The following ARHGAP26 variants were observed in gnomAD, a reference collection of about 807,000 sequenced individuals.
ARHGAP26 encodes the protein rho GTPase-activating protein 26.
ARHGAP26 carries 38 observed loss-of-function variants against 104.8 expected under a neutral mutation model. The observed-to-expected ratio is 0.36, with a 90% CI of 0.28 to 0.48. The LOEUF is 0.48. Ranked by LOEUF, ARHGAP26 falls within the 20% of genes least tolerant of loss-of-function variation. The pLI is 0.99. For synonymous variants in ARHGAP26, 341 were observed against 340.0 expected (o/e 1.00, Z -0.03); for missense variants, 704 against 947.9 (o/e 0.74, Z 3.38).
intron 17 of ARHGAP26, among the ~76,000 whole-genome samples, chr5:143,089,553 T>G (rs1243130611): frequency 6.6e-6 from 1 of 152,220 alleles, no homozygotes; most frequent in East Asian, 1.9e-4. Context: ...CGATACAAAC[T>G]CTTCCTCTTT....
chr5:142,848,577 G>T (rs781459733), intron 1 of ARHGAP26, among the ~76,000 whole-genome samples: 2 of 152,212 alleles, frequency 1.3e-5, no homozygotes, highest in Non-Finnish European at 1.5e-5. Context: ...GAGTAAGGCT[G>T]TGTGAACATC....
intron 20 of ARHGAP26, among the ~76,000 whole-genome samples, chr5:143,161,204 G>A (rs258793): frequency 0.32 from 47,969 of 151,568 alleles, 8,540 homozygotes; most frequent in East Asian, 0.49. Context: ...CAGAGACGGG[G>A]TTTTACCGTG....
intron 11 of ARHGAP26, among the ~76,000 whole-genome samples, chr5:142,942,158 G>C (rs1010279753): frequency 7.2e-5 from 11 of 152,234 alleles, no homozygotes; most frequent in African/African-American, 2.4e-4. Flanking sequence ...AGTTGCCTTC[G>C]TTATCTGAGA....
chr5:142,991,479 C>G (rs1775605552), intron 11 of ARHGAP26, among the ~76,000 whole-genome samples: 1 of 152,160 alleles, frequency 6.6e-6, no homozygotes, highest in Non-Finnish European at 1.5e-5. Context: ...CCAACAAGCC[C>G]CACTGAGATG....
At chr5:142,913,015 C>T (rs574838568) in intron 9 of ARHGAP26, among the ~76,000 whole-genome samples, 184 bp from the exon 10 acceptor site, 18 of 152,290 alleles carry the variant, frequency 1.2e-4, no homozygotes, top group African/African-American at 3.4e-4. Flanking sequence ...ACATGGTATA[C>T]GAATGTAAGC....
At chr5:143,177,959 G>A (rs1249782638) in intron 20 of ARHGAP26, among the ~76,000 whole-genome samples, 1 of 141,936 alleles carries the variant, frequency 7.0e-6, no homozygotes, top group Non-Finnish European at 1.5e-5. Flanking sequence ...GAGGGCATAA[G>A]TGGCCTGTTC....
intron 1 of ARHGAP26, among the ~76,000 whole-genome samples, chr5:142,843,277 G>A (rs1280958521): frequency 5.3e-5 from 8 of 152,200 alleles, no homozygotes; most frequent in Non-Finnish European, 1.2e-4. Context: ...TGCAGCTGAG[G>A]CAAAGAGTGT....
In ARHGAP26 at chr5:142,810,834, G is replaced by A. The variant is rs117768878; in HGVS notation, c.154+39919G>A. Reference sequence around the variant, plus strand: ...CGCCCAAAATAGTAAGTAACCATAAGCGTTGATATGTAAACTCTAGTGTTT... The same window carrying A: ...CGCCCAAAATAGTAAGTAACCATAAACGTTGATATGTAAACTCTAGTGTTT... On this transcript the variant is annotated intron_variant, in intron 1 of 22. Transcript: ENST00000645722. Among the ~76,000 whole-genome samples the A allele has an allele frequency of 5.9e-5, 9 of 152,330 alleles. No homozygotes were observed. In the East Asian group the frequency reaches 1.7e-3, roughly 29 times the overall value.
chr5:143,183,073 CAA>C (rs70991799), intron 20 of ARHGAP26, among the ~76,000 whole-genome samples: 35 of 89,902 alleles, frequency 3.9e-4, no homozygotes, highest in African/African-American at 5.7e-4. Flanking sequence ...TGAAAAGTGG[CAA>C]AAAAAAAAAA....
intron 17 of ARHGAP26, chr5:143,058,073 T>C (rs1195733745): frequency 1.9e-6 from 1 of 538,216 alleles, no homozygotes; most frequent in Admixed American, 2.4e-5. Flanking sequence ...TTTGTGGGAT[T>C]ATATGTTCTT....
intron 7 of ARHGAP26, among the ~76,000 whole-genome samples, chr5:142,902,366 C>G (rs557804491): frequency 6.6e-6 from 1 of 152,338 alleles, no homozygotes; most frequent in South Asian, 2.1e-4. Context: ...AGCCTCCATT[C>G]TATGCATCTA....
intron 17 of ARHGAP26, among the ~76,000 whole-genome samples, chr5:143,085,168 C>A (rs1790395504): frequency 6.6e-6 from 1 of 151,860 alleles, no homozygotes; most frequent in Non-Finnish European, 1.5e-5. Flanking sequence ...TGTTTTTCTT[C>A]CTCTCTGTTA....
rs201725628 is a variant in ARHGAP26, at chr5:143,227,524, GACA to G, written c.*5082_*5084del. ...CTCTCTGTAATTGTAGCATCAAAATGACAACAGCAGCAGAGCAGCGAATCTTGC... is the reference window on the plus strand; with the variant it reads ...CTCTCTGTAATTGTAGCATCAAAATGACAGCAGCAGAGCAGCGAATCTTGC... On this transcript the variant is annotated 3_prime_UTR_variant, in exon 23 of 23. Coordinates refer to ENST00000645722, the MANE Select transcript of ARHGAP26 (RefSeq NM_001135608.3). 6.6e-3 allele frequency: 1,522 copies of G among 230,760 alleles called. 18 individuals are homozygous for G. Among genetic ancestry groups the G allele is most frequent in the African/African-American group, 0.031 (1,423 of 45,306 alleles). The allele number at this position is 230,760 out of a possible 1,614,324, so 14.3% of individuals were successfully genotyped here.
At chr5:143,022,680 T>C (rs1356775154) in intron 12 of ARHGAP26, among the ~76,000 whole-genome samples, 2 of 152,134 alleles carry the variant, frequency 1.3e-5, no homozygotes, top group Non-Finnish European at 2.9e-5. Context: ...AGCATGAAAG[T>C]GTCACACGAT....
At position 143,093,883 on chromosome 5, in the gene ARHGAP26, C is replaced by T. The variant is rs1312155102; in HGVS notation, c.1539-27105C>T. Among the ~76,000 whole-genome samples, 3 of 152,340 alleles carry T rather than the reference C, an allele frequency of 2.0e-5. No individual in the cohort carries two copies. In the South Asian group the frequency reaches 6.2e-4, roughly 32 times the overall value. On this transcript the variant is annotated intron_variant, in intron 17 of 22. Coordinates refer to ENST00000645722, the MANE Select transcript of ARHGAP26 (RefSeq NM_001135608.3). Reference sequence around the variant, plus strand: ...TCAACCCCACACCATGGGGATTTCTCACCTCTTTTAGAGGTTCAACTCCCA... The same window carrying T: ...TCAACCCCACACCATGGGGATTTCTTACCTCTTTTAGAGGTTCAACTCCCA...
chr5:143,055,481 C>A (rs1785666836), intron 15 of ARHGAP26, among the ~76,000 whole-genome samples: 2 of 152,098 alleles, frequency 1.3e-5, no homozygotes, highest in South Asian at 4.1e-4. Context: ...CAGGAAAAAA[C>A]CCTCAAGTTT....
intron 1 of ARHGAP26, among the ~76,000 whole-genome samples, chr5:142,792,864 C>T (rs755484774): frequency 2.0e-5 from 3 of 152,186 alleles, no homozygotes; most frequent in Non-Finnish European, 4.4e-5. Context: ...AAAGTTCTTT[C>T]TGTGTTCAAA....
In ARHGAP26 at chr5:143,028,621, A is replaced by G. The variant is rs187029964; in HGVS notation, c.1145-8575A>G. ...ACCAAGTAAATCCCAGTTGCTATACATTTCATTTGACCCTCGTAGCATCCT... is the reference window on the plus strand; with the variant it reads ...ACCAAGTAAATCCCAGTTGCTATACGTTTCATTTGACCCTCGTAGCATCCT... On this transcript the variant is annotated intron_variant, in intron 12 of 22. Coordinates refer to ENST00000645722, the MANE Select transcript of ARHGAP26 (RefSeq NM_001135608.3). Among the ~76,000 whole-genome samples the G allele has an allele frequency of 1.1e-4, 17 of 152,288 alleles. No homozygotes were observed. The East Asian group carries it at 3.1e-3, about 28-fold the overall frequency.
chr5:143,223,223 CAT>C lies in ARHGAP26; in HGVS notation c.*778_*779del, dbSNP rs1322459284. ...AATAACACATCCTCTTTGCATGACA[CAT>C]TTTTTTTCTCCCCTTTTTGGTACAC... On this transcript the variant is annotated 3_prime_UTR_variant, in exon 23 of 23. Transcript: ENST00000645722. 2.1e-5 allele frequency: 5 copies of C among 232,906 alleles called. No individual in the cohort carries two copies. Among genetic ancestry groups the C allele is most frequent in the Non-Finnish European group, 3.4e-5 (4 of 117,626 alleles). 14.4% of individuals were successfully genotyped at this position (232,906 alleles called of 1,614,324 possible). A position where few individuals can be genotyped will look rare whatever the true frequency, so the allele number is the denominator to read the frequency against.
Sources: gnomAD v4.1 joint callset for allele counts (sites outside exome capture counted in the v4.1 genomes callset) on GRCh38, gnomAD v4.1.1 for gene constraint, MANE v1.5 for transcripts, NCBI Gene and HGNC (gene_info 2026-07-23, HGNC 2026-07-21) for gene names.